ITPR2: variants seen among roughly 807,000 people sequenced by gnomAD.
ITPR2 encodes inositol 1,4,5-trisphosphate-gated calcium channel ITPR2.
Under a neutral mutation model 317.1 loss-of-function variants are expected in ITPR2, and 207 were observed. The ratio of observed to expected loss-of-function variants is 0.65; its 90% confidence interval spans 0.58 to 0.73. The LOEUF (loss-of-function observed/expected upper bound fraction) is 0.73. Ranked by LOEUF, ITPR2 falls within the 30% of genes least tolerant of loss-of-function variation. The probability of loss-of-function intolerance (pLI) is 0.00; values close to 1 mark genes in which losing one functional copy is unlikely to be tolerated. For synonymous variants in ITPR2, 1,156 were observed against 1,149.1 expected, an observed-to-expected ratio of 1.01 and a Z score of -0.12; for missense variants, 2,613 against 3,284.0, an observed-to-expected ratio of 0.80 and a Z score of 4.99.
chr12:26,788,150 G>A (rs55787711), intron 2 of ITPR2, among the ~76,000 whole-genome samples: 24,549 of 151,656 alleles, frequency 0.16, 2,706 homozygotes, highest in Non-Finnish European at 0.24. Flanking sequence ...TCGAACTCCC[G>A]ACCTCAGGTG....
chr12:26,664,498 T>C (rs1947576373), intron 14 of ITPR2, among the ~76,000 whole-genome samples: 1 of 152,152 alleles, frequency 6.6e-6, no homozygotes, highest in Non-Finnish European at 1.5e-5. Context: ...AATATAACTC[T>C]TTTCGGCAGC....
At chr12:26,811,612 G>T (rs371739485) in intron 1 of ITPR2, among the ~76,000 whole-genome samples, 1 of 150,992 alleles carries the variant, frequency 6.6e-6, no homozygotes, top group African/African-American at 2.4e-5. Context: ...GCATGAACCC[G>T]GGGGGCAGAG....
At chr12:26,507,177 CAG>C (rs1943211155) in intron 37 of ITPR2, among the ~76,000 whole-genome samples, 1 of 152,122 alleles carries the variant, frequency 6.6e-6, no homozygotes, top group Non-Finnish European at 1.5e-5. Flanking sequence ...AAGAATTTTG[CAG>C]AGAGAAAACT....
chr12:26,756,263 T>A (rs1949517546), intron 2 of ITPR2, among the ~76,000 whole-genome samples: 1 of 152,204 alleles, frequency 6.6e-6, no homozygotes, highest in African/African-American at 2.4e-5. Flanking sequence ...TAACTTAGGC[T>A]AACGCTGCTT....
chr12:26,769,132 T>G (rs1949795046), intron 2 of ITPR2, among the ~76,000 whole-genome samples: 1 of 151,774 alleles, frequency 6.6e-6, no homozygotes, highest in African/African-American at 2.4e-5. Flanking sequence ...TTTGCAGGGG[T>G]TCCAGCTGAA....
At chr12:26,365,426 G>A (rs186772074) in intron 55 of ITPR2, among the ~76,000 whole-genome samples, 1 of 151,846 alleles carries the variant, frequency 6.6e-6, no homozygotes, top group African/African-American at 2.4e-5. Flanking sequence ...TTGGCGTACT[G>A]TATCCCCAGA....
At chr12:26,777,695 TA>T (rs35684024) in intron 2 of ITPR2, among the ~76,000 whole-genome samples, 44,350 of 151,986 alleles carry the variant, frequency 0.29, 7,763 homozygotes, top group East Asian at 0.75. Flanking sequence ...ATTTGAATTA[TA>T]AAACAGAGAT....
At chr12:26,684,999 AT>A (rs1390064549) in intron 11 of ITPR2, among the ~76,000 whole-genome samples, 2 of 152,130 alleles carry the variant, frequency 1.3e-5, no homozygotes, top group African/African-American at 2.4e-5. Flanking sequence ...TTTCTCATGA[AT>A]GAGAATAGCC....
intron 54 of ITPR2, among the ~76,000 whole-genome samples, chr12:26,388,045 A>T (rs1184921827): frequency 1.3e-5 from 2 of 152,232 alleles, no homozygotes; most frequent in African/African-American, 4.8e-5. Flanking sequence ...ATCTGTTCAA[A>T]ACCACTTGGA....
chr12:26,505,443 C>T (rs1275573294), intron 37 of ITPR2, among the ~76,000 whole-genome samples: 1 of 152,200 alleles, frequency 6.6e-6, no homozygotes, highest in African/African-American at 2.4e-5. Flanking sequence ...ACCAGCCATG[C>T]TTTCTGTCCC....
At chr12:26,782,696 T>G (rs766144191) in intron 2 of ITPR2, among the ~76,000 whole-genome samples, 2 of 152,216 alleles carry the variant, frequency 1.3e-5, no homozygotes, top group Admixed American at 6.5e-5. Flanking sequence ...AAAATCAGGA[T>G]AGCAATAATT....
At chr12:26,597,682 A>T (rs371925393) in intron 30 of ITPR2, among the ~76,000 whole-genome samples, 1 of 152,168 alleles carries the variant, frequency 6.6e-6, no homozygotes, top group Non-Finnish European at 1.5e-5. Context: ...AAACCAAAAA[A>T]CCGAGAGAAA....
chr12:26,514,592 G>A (rs1047615853), intron 37 of ITPR2, among the ~76,000 whole-genome samples: 4 of 152,144 alleles, frequency 2.6e-5, no homozygotes, highest in South Asian at 4.1e-4. Context: ...TACATAACCC[G>A]CTACTATCAT....
At chr12:26,388,670 G>T (rs1022076273) in intron 54 of ITPR2, among the ~76,000 whole-genome samples, 1 of 151,386 alleles carries the variant, frequency 6.6e-6, no homozygotes, top group African/African-American at 2.4e-5. Flanking sequence ...TCACAATGTT[G>T]CCCAGCCTGA....
At chr12:26,617,635 GAAAAA>G (rs1425978501) in intron 26 of ITPR2, among the ~76,000 whole-genome samples, 1 of 127,014 alleles carries the variant, frequency 7.9e-6, no homozygotes, top group African/African-American at 2.9e-5. Flanking sequence ...GAAAAGGAAA[GAAAAA>G]AGAAAAGAAA....
At chr12:26,693,555 C>A (rs1434632512) in intron 10 of ITPR2, among the ~76,000 whole-genome samples, 1 of 152,106 alleles carries the variant, frequency 6.6e-6, no homozygotes, top group Non-Finnish European at 1.5e-5. Flanking sequence ...CTTTAAATTA[C>A]CTGTAGATTA....
At chr12:26,497,688 T>C (rs183513540) in intron 37 of ITPR2, among the ~76,000 whole-genome samples, 1 of 151,346 alleles carries the variant, frequency 6.6e-6, no homozygotes, top group African/African-American at 2.4e-5. Flanking sequence ...TAACATGTCC[T>C]AAATGTCATA....
rs1269346393 is a variant in ITPR2, at chr12:26,695,506, G to A, written c.996+100C>T. ...TAGGCTCTACTCAGAAAATCTCTCT[G>A]AGCCCCTAGTCTTCAAATTTGCTAT... On this transcript the variant is annotated intron_variant, in intron 10 of 56. Transcript: ENST00000381340. The A allele has an allele frequency of 8.4e-6, 8 of 957,012 alleles. No individual in the cohort carries two copies. In the Admixed American group the frequency reaches 1.5e-4, roughly 18 times the overall value. 59.3% of individuals were successfully genotyped at this position (957,012 alleles called of 1,614,324 possible). A position where few individuals can be genotyped will look rare whatever the true frequency, so the allele number is the denominator to read the frequency against.
intron 41 of ITPR2, among the ~76,000 whole-genome samples, chr12:26,484,357 T>C (rs992435643): frequency 2.0e-5 from 3 of 152,048 alleles, no homozygotes; most frequent in African/African-American, 7.2e-5. Context: ...CAGTGCAACT[T>C]CATTGTTCAT....
Sources: allele counts gnomAD v4.1 joint callset (sites outside exome capture counted in the v4.1 genomes callset), GRCh38; gene constraint gnomAD v4.1.1; transcripts MANE v1.5; gene names NCBI Gene and HGNC (gene_info 2026-07-23, HGNC 2026-07-21).